The following CRTC1 variants were observed in gnomAD, a reference collection of about 807,000 sequenced individuals.
CRTC1 encodes the protein CREB regulated transcription coactivator 1.
Under a neutral mutation model 66.1 loss-of-function variants are expected in CRTC1, and 18 were observed. The observed-to-expected ratio is 0.27, with a 90% confidence interval of 0.19 to 0.40. CRTC1 has a LOEUF of 0.40. CRTC1 is among the 10% of genes least tolerant of loss of function. The pLI is 1.00. For missense variants in CRTC1, 669 were observed against 887.9 expected (o/e 0.75, Z 3.13); for synonymous variants, 416 against 398.8 (o/e 1.04, Z -0.51).
At chr19:18,744,478 A>G (rs2145735015) in intron 2 of CRTC1, among the ~76,000 whole-genome samples, 1 of 144,636 alleles carries the variant, frequency 6.9e-6, no homozygotes, top group Non-Finnish European at 1.5e-5. Flanking sequence ...GTCCCTATAT[A>G]CACACACACA....
chr19:18,743,077 C>A, intron 2 of CRTC1, 51 bp downstream of exon 2: 1 of 1,386,926 alleles, frequency 7.2e-7, no homozygotes, highest in Non-Finnish European at 1.0e-6. Flanking sequence ...CTTCCCCCAG[C>A]CTCCCACTGG....
intron 9 of CRTC1, among the ~76,000 whole-genome samples, chr19:18,767,499 CTTGT>C (rs1303514766): frequency 2.0e-5 from 3 of 152,168 alleles, no homozygotes; most frequent in Non-Finnish European, 4.4e-5. Flanking sequence ...GCGCCCGTCA[CTTGT>C]TTGTTTTTAA....
intron 10 of CRTC1, among the ~76,000 whole-genome samples, chr19:18,770,566 G>GGT (rs985271004): frequency 3.9e-5 from 6 of 152,140 alleles, no homozygotes; most frequent in African/African-American, 1.4e-4. Flanking sequence ...TGCCCATGGC[G>GGT]GTGTGTGTGT....
At chr19:18,717,704 G>C (rs1208234614) in intron 1 of CRTC1, among the ~76,000 whole-genome samples, 3 of 152,142 alleles carry the variant, frequency 2.0e-5, no homozygotes, top group Non-Finnish European at 2.9e-5. Context: ...GGAGGGTGCA[G>C]GGTTCCGGGG....
chr19:18,745,970 T>C lies in CRTC1; in HGVS notation c.381+10T>C. The stretch of plus-strand genomic sequence containing the variant: ...CAAACACGGACGGCAGATATCCTTT[T>C]CACCAGAGGATGAGGGTGGGGGCCA... On this transcript the variant is annotated intron_variant, in intron 3 of 13. Coordinates refer to ENST00000321949, the MANE Select transcript of CRTC1 (RefSeq NM_015321.3). 6.2e-7 allele frequency: 1 copy of C among 1,601,904 alleles called. No homozygotes were observed. Among genetic ancestry groups the C allele is most frequent in the Non-Finnish European group, 8.5e-7 (1 of 1,171,398 alleles).
Position 18,777,358 on chromosome 19 carries a change from C to T in CRTC1, c.1881C>T (p.Asp627=), listed in dbSNP as rs1211508829. 4.4e-6 allele frequency: 7 copies of T among 1,605,464 alleles called. No homozygotes were observed. Among genetic ancestry groups the T allele is most frequent in the Non-Finnish European group, 5.9e-6 (7 of 1,179,938 alleles). Residue 627 remains aspartate (D), a synonymous_variant, in exon 14 of 14, where the codon GAC becomes GAT. Coordinates refer to ENST00000321949, the MANE Select transcript of CRTC1 (RefSeq NM_015321.3). This position sits in a 1 kb window ranked among gnomAD's most constrained non-coding sequence, Gnocchi z 5.5. ...DMVLADPATE[D]TFRMDRL ...TTCTGGCCGACCCAGCCACCGAGGA[C>T]ACCTTCCGGATGGACCGCCTGTGAG...
chr19:18,712,977 C>T (rs1398915308), intron 1 of CRTC1, among the ~76,000 whole-genome samples: 2 of 151,498 alleles, frequency 1.3e-5, no homozygotes, highest in African/African-American at 4.8e-5. Flanking sequence ...AAAAAAGACC[C>T]CACCCCCTAT....
chr19:18,775,970 CT>C (rs1345680978), intron 13 of CRTC1, 149 bp downstream of exon 13: 2 of 841,280 alleles, frequency 2.4e-6, no homozygotes, highest in Admixed American at 3.2e-5. Context: ...GCCACACCCC[CT>C]CTCCCCTGAA....
chr19:18,730,396 G>A (rs996829383), intron 1 of CRTC1, among the ~76,000 whole-genome samples: 7 of 152,002 alleles, frequency 4.6e-5, no homozygotes, highest in African/African-American at 7.2e-5. Context: ...GGGTGGAGTC[G>A]GGGTCACATT....
intron 1 of CRTC1, among the ~76,000 whole-genome samples, chr19:18,706,933 G>A (rs1029284688): frequency 2.6e-5 from 4 of 152,052 alleles, no homozygotes; most frequent in African/African-American, 7.2e-5. Flanking sequence ...TCTACATATT[G>A]ATCCCTTATC....
intron 1 of CRTC1, among the ~76,000 whole-genome samples, chr19:18,714,728 G>T (rs912295091): frequency 4.6e-5 from 7 of 152,210 alleles, no homozygotes; most frequent in African/African-American, 1.7e-4. Flanking sequence ...TTTCAGCATG[G>T]CAGGTTAGGG....
At chr19:18,716,152 C>A (rs1031558828) in intron 1 of CRTC1, among the ~76,000 whole-genome samples, 1 of 152,100 alleles carries the variant, frequency 6.6e-6, no homozygotes, top group Non-Finnish European at 1.5e-5. Flanking sequence ...GTAGTGAGTG[C>A]AGCAGCCACA....
At position 18,726,929 on chromosome 19, in the gene CRTC1, G is replaced by GGA. The variant is rs1213292084; in HGVS notation, c.127-15981_127-15980insGA. ...TAACAGAGAAAGACTCCGTCTTGGG[G>GGA]AAAAAAAAAAAAAAAAAAAAAAAGA... On this transcript the variant is annotated intron_variant, in intron 1 of 13. Transcript: ENST00000321949. Among the ~76,000 whole-genome samples the GGA allele has an allele frequency of 7.3e-4, 82 of 111,910 alleles. 1 individual carries two copies. Among genetic ancestry groups the GGA allele is most frequent in the African/African-American group, 2.7e-3 (76 of 27,968 alleles). 73.4% of individuals were successfully genotyped at this position (111,910 alleles called of 152,430 possible).
At chr19:18,718,863 C>T (rs933350838) in intron 1 of CRTC1, among the ~76,000 whole-genome samples, 23 of 152,068 alleles carry the variant, frequency 1.5e-4, no homozygotes, top group African/African-American at 4.1e-4. Context: ...GTTGAGGAAC[C>T]GCCATACAGA....
chr19:18,775,869 C>A, intron 13 of CRTC1, 48 bp downstream of exon 13: 1 of 1,509,270 alleles, frequency 6.6e-7, no homozygotes, highest in Non-Finnish European at 8.8e-7. Flanking sequence ...GGGGCCTCAG[C>A]CCGTGCGGAG....
At chr19:18,770,453 A>G (rs2145846828) in intron 10 of CRTC1, among the ~76,000 whole-genome samples, 1 of 152,360 alleles carries the variant, frequency 6.6e-6, no homozygotes, top group African/African-American at 2.4e-5. Context: ...GAGGTGGGCC[A>G]GACCTGCTGG....
chr19:18,766,766 C>T (rs575510481), intron 9 of CRTC1, among the ~76,000 whole-genome samples: 39 of 152,268 alleles, frequency 2.6e-4, no homozygotes, highest in East Asian at 9.6e-4. Flanking sequence ...TTTTTATTTA[C>T]GTAAAGTTGG....
rs774761738 is a variant in CRTC1 at position 18,777,247 on chromosome 19, C to T, written c.1770C>T (p.Asp590=). Residue 590 remains aspartate (D), a synonymous_variant, in exon 14 of 14, where the codon GAC becomes GAT. Transcript: ENST00000321949. The surrounding 1 kb of genome is among the most constrained non-coding windows in gnomAD (Gnocchi z 5.5). ...SLAGVGDVSF[D]SDSQFPLDEL... ...CCGGGGTCGGCGACGTCAGCTTCGA[C>T]TCCGACAGCCAGTTTCCCCTGGACG... 5.0e-6 allele frequency: 8 copies of T among 1,611,840 alleles called. No individual in the cohort carries two copies. The highest frequency in any genetic ancestry group is 1.3e-5 in the African/African-American group (1 of 74,810).
chr19:18,740,209 T>C (rs1260261779), intron 1 of CRTC1, among the ~76,000 whole-genome samples: 1 of 150,964 alleles, frequency 6.6e-6, no homozygotes, highest in Non-Finnish European at 1.5e-5. Context: ...GCCGAGATAG[T>C]GCCACTGCAC....
Sources: allele counts gnomAD v4.1 joint callset (sites outside exome capture counted in the v4.1 genomes callset), GRCh38; gene constraint gnomAD v4.1.1; non-coding constraint Gnocchi (gnomAD v3.1); transcripts MANE v1.5; gene names NCBI Gene and HGNC (gene_info 2026-07-23, HGNC 2026-07-21).